Variants in ROCK1 observed in about 807,000 individuals in gnomAD.
ROCK1 encodes rho-associated protein kinase 1.
ROCK1 carries 36 observed loss-of-function variants against 196.8 expected under a neutral mutation model. The ratio of observed to expected loss-of-function variants is 0.18; its 90% CI spans 0.14 to 0.24. The LOEUF is 0.24. Among genes scored for constraint, ROCK1 ranks in the 10% least tolerant of loss-of-function variants. The probability of loss-of-function intolerance (pLI) is 1.00; values close to 1 mark genes in which losing one functional copy is unlikely to be tolerated. For missense variants in ROCK1, 920 were observed against 1,562.0 expected, an observed-to-expected ratio of 0.59 and a Z score of 6.93; for synonymous variants, 443 against 515.9, an observed-to-expected ratio of 0.86 and a Z score of 1.91.
In ROCK1 at chr18:21,082,106, G is replaced by T. The variant is rs118167669; in HGVS notation, c.94-11493C>A. On this transcript the variant is annotated intron_variant, in intron 1 of 32. Transcript: ENST00000399799. ...TAGCTTGTGTGAGCAACCACACCTG[G>T]TTAATTTTTTTTTTTAGGGATGGGG... 7.2e-3 allele frequency among the ~76,000 whole-genome samples: 1,090 copies of T among 151,684 alleles called. 9 individuals are homozygous for T. Among genetic ancestry groups the T allele is most frequent in the Middle Eastern group, 0.037 (11 of 294 alleles).
intron 29 of ROCK1, among the ~76,000 whole-genome samples, chr18:20,958,963 AATAT>A (rs1333477154): frequency 2.2e-5 from 2 of 92,200 alleles, no homozygotes; most frequent in Middle Eastern, 4.1e-3. Context: ...TATTTTATAT[AATAT>A]ATATAATATA....
At chr18:20,963,392 CT>C (rs952049866) in intron 27 of ROCK1, among the ~76,000 whole-genome samples, 4 of 152,012 alleles carry the variant, frequency 2.6e-5, no homozygotes, top group Admixed American at 6.6e-5. Flanking sequence ...TTTCAAAACA[CT>C]TTAATTAAAT....
intron 1 of ROCK1, among the ~76,000 whole-genome samples, chr18:21,090,191 C>A (rs554392771): frequency 6.6e-6 from 1 of 152,324 alleles, no homozygotes; most frequent in East Asian, 1.9e-4. Context: ...AATGTTGACA[C>A]ATTTCATCAC....
intron 29 of ROCK1, among the ~76,000 whole-genome samples, chr18:20,957,806 T>TA (rs35473579): frequency 0.018 from 2,368 of 134,684 alleles, 7 homozygotes; most frequent in African/African-American, 0.035. Flanking sequence ...CTTCATAAAT[T>TA]AAAAAAAAAA....
chr18:20,961,802 A>G (rs1263407400), intron 27 of ROCK1, among the ~76,000 whole-genome samples: 1 of 149,662 alleles, frequency 6.7e-6, no homozygotes, highest in African/African-American at 2.5e-5. Flanking sequence ...CTCTTCTCCC[A>G]ACATTTTTCT....
chr18:21,092,490 G>A (rs535572880), intron 1 of ROCK1, among the ~76,000 whole-genome samples: 9 of 150,416 alleles, frequency 6.0e-5, no homozygotes, highest in African/African-American at 2.2e-4. Context: ...AGGCTGAGGT[G>A]GGAGGACTGC....
chr18:21,045,499 T>C (rs1157930370), intron 4 of ROCK1, 32 bp from the exon 5 acceptor site: 1 of 1,468,022 alleles, frequency 6.8e-7, no homozygotes, highest in African/African-American at 1.4e-5. Flanking sequence ...ACAAAACACA[T>C]TCATTAATGT....
chr18:21,046,012 G>A (rs1431117683), intron 4 of ROCK1, among the ~76,000 whole-genome samples: 5 of 139,392 alleles, frequency 3.6e-5, no homozygotes, highest in Admixed American at 8.0e-5. Context: ...CCAGGTTCAC[G>A]CCATTCTCCT....
At chr18:21,027,159 G>A (rs1183858205) in intron 10 of ROCK1, among the ~76,000 whole-genome samples, 2 of 152,006 alleles carry the variant, frequency 1.3e-5, no homozygotes, top group Non-Finnish European at 2.9e-5. Flanking sequence ...GGCTAGTCAC[G>A]AACTCTTGAC....
intron 2 of ROCK1, among the ~76,000 whole-genome samples, chr18:21,056,258 T>C (rs1173084900): frequency 1.3e-5 from 2 of 152,172 alleles, no homozygotes; most frequent in East Asian, 3.9e-4. Flanking sequence ...TTCAAACTTA[T>C]CTATTCAATT....
intron 1 of ROCK1, among the ~76,000 whole-genome samples, chr18:21,110,296 C>T (rs1461277977): frequency 1.3e-5 from 2 of 152,074 alleles, no homozygotes; most frequent in East Asian, 1.9e-4. Flanking sequence ...GCAAAAAGTT[C>T]CTTCAAACTC....
intron 18 of ROCK1, among the ~76,000 whole-genome samples, chr18:20,990,139 C>T (rs1598519609): frequency 6.6e-6 from 1 of 152,088 alleles, no homozygotes; most frequent in South Asian, 2.1e-4. Context: ...GCAGATAATG[C>T]ATTGGACTAA....
In ROCK1 at chr18:20,949,170, A is replaced by C. The variant is rs2035158093; in HGVS notation, c.*2214T>G. 6.6e-6 allele frequency: 1 copy of C among 152,154 alleles called. No homozygotes were observed. The highest frequency in any genetic ancestry group is 2.1e-4 in the South Asian group (1 of 4,836). The allele number at this position is 152,154 out of a possible 1,614,324, so 9.4% of individuals were successfully genotyped here. ...TCATTTGGAAAGTCTTCTCTTGCTT[A>C]AACTAATTAGAATTAACTCTGTTCT... On this transcript the variant is annotated 3_prime_UTR_variant, in exon 33 of 33. Coordinates refer to ENST00000399799, the MANE Select transcript of ROCK1 (RefSeq NM_005406.3).
At chr18:21,091,424 G>A (rs1361163150) in intron 1 of ROCK1, among the ~76,000 whole-genome samples, 1 of 151,992 alleles carries the variant, frequency 6.6e-6, no homozygotes, top group Non-Finnish European at 1.5e-5. Flanking sequence ...CCAACATGGT[G>A]AAACCCCGTC....
chr18:20,963,281 C>T (rs2035343846), intron 27 of ROCK1, among the ~76,000 whole-genome samples: 1 of 152,048 alleles, frequency 6.6e-6, no homozygotes, highest in Non-Finnish European at 1.5e-5. Flanking sequence ...CATCAATACT[C>T]GATATAGCCA....
At chr18:21,005,401 C>T (rs141828465) in intron 16 of ROCK1, among the ~76,000 whole-genome samples, 49 of 152,270 alleles carry the variant, frequency 3.2e-4, no homozygotes, top group African/African-American at 1.1e-3. Context: ...TAGTGATAAT[C>T]CTCTTTGCCT....
intron 29 of ROCK1, among the ~76,000 whole-genome samples, chr18:20,958,849 T>A (rs1443819170): frequency 1.5e-5 from 2 of 134,884 alleles, no homozygotes; most frequent in Non-Finnish European, 3.1e-5. Context: ...TTTCTATTAT[T>A]AATAGTTATA....
intron 21 of ROCK1, among the ~76,000 whole-genome samples, 164 bp downstream of exon 21, chr18:20,982,599 T>C (rs1395440198): frequency 6.6e-6 from 1 of 152,098 alleles, no homozygotes; most frequent in Non-Finnish European, 1.5e-5. Flanking sequence ...TAGCCTAATA[T>C]GCCAAGAAAC....
rs45562542 is a variant in ROCK1, at chr18:20,984,522, G to A, written c.2318C>T (p.Thr773Ile). 9.3e-6 allele frequency: 15 copies of A among 1,608,548 alleles called. No individual in the cohort carries two copies. The highest frequency in any genetic ancestry group is 1.3e-5 in the Non-Finnish European group (15 of 1,178,552). Residue 773 changes from threonine to isoleucine, a missense_variant, in exon 20 of 33, where the codon ACC (threonine) becomes ATC (isoleucine). By Grantham distance (89) the Thr-to-Ile change is moderately conservative. Transcript: ENST00000399799. ...ERMEDEVKNLTLQLEQESNKR... is the reference protein window; with the variant it reads ...ERMEDEVKNLILQLEQESNKR... ...ATTTGATTCCTGCTCCAGTTGCAGG[G>A]TTAGATTCTTAACCTATGAATGAGA... is the stretch of plus-strand genomic sequence containing the variant.
Sources: allele counts gnomAD v4.1 joint callset (sites outside exome capture counted in the v4.1 genomes callset), GRCh38; gene constraint gnomAD v4.1.1; transcripts MANE v1.5; gene names NCBI Gene and HGNC (gene_info 2026-07-23, HGNC 2026-07-21).